The following TNRC6B variants were observed in gnomAD, a reference collection of about 807,000 sequenced individuals.
The protein encoded by TNRC6B is trinucleotide repeat-containing gene 6B protein.
A neutral mutation model predicts 203.6 loss-of-function variants in TNRC6B; 52 were observed. The observed-to-expected ratio is 0.26, with a 90% CI of 0.20 to 0.32. The LOEUF is 0.32. TNRC6B is among the 10% of genes least tolerant of loss of function. The probability of loss-of-function intolerance (pLI) is 1.00; values close to 1 mark genes in which losing one functional copy is unlikely to be tolerated. For missense variants in TNRC6B, 1,923 were observed against 2,286.2 expected (o/e 0.84, Z 3.24); for synonymous variants, 838 against 845.7 (o/e 0.99, Z 0.16).
intron 1 of TNRC6B, among the ~76,000 whole-genome samples, chr22:40,071,179 T>A (rs878934374): frequency 6.6e-6 from 1 of 152,172 alleles, no homozygotes; most frequent in Admixed American, 6.5e-5. Flanking sequence ...TATAGGCCAG[T>A]TAATAGAAAT....
chr22:40,117,113 C>T (rs1436756629), exon 2 of TNRC6B: 1 of 152,428 alleles, frequency 6.6e-6, no homozygotes. Context: ...TTGTGTTGCC[C>T]CAGGTACTGT....
intron 15 of TNRC6B, among the ~76,000 whole-genome samples, chr22:40,306,111 T>TTTAGTA (rs2071084835): frequency 6.6e-6 from 1 of 151,892 alleles, no homozygotes; most frequent in South Asian, 2.1e-4. Flanking sequence ...GCTAACACGA[T>TTTAGTA]GAAACCCCGT....
chr22:40,196,345 G>T (rs1223998821), intron 1 of TNRC6B, among the ~76,000 whole-genome samples: 1 of 151,808 alleles, frequency 6.6e-6, no homozygotes, highest in Non-Finnish European at 1.5e-5. Context: ...CTTTCTAATG[G>T]ATTTTTAATA....
chr22:40,215,058 T>C (rs2069617379), intron 1 of TNRC6B, among the ~76,000 whole-genome samples: 3 of 152,312 alleles, frequency 2.0e-5, no homozygotes, highest in Middle Eastern at 3.4e-3. Flanking sequence ...AATACTTAGC[T>C]TTCTTTTTTT....
chr22:40,096,168 C>T (rs556109392), intron 1 of TNRC6B, among the ~76,000 whole-genome samples: 2 of 152,146 alleles, frequency 1.3e-5, no homozygotes, highest in Non-Finnish European at 1.5e-5. Context: ...AGGATCATGG[C>T]CAAAACTTTA....
intron 1 of TNRC6B, among the ~76,000 whole-genome samples, chr22:40,196,489 T>C (rs1052043646): frequency 1.3e-5 from 2 of 152,062 alleles, no homozygotes; most frequent in Admixed American, 6.6e-5. Flanking sequence ...CTGGGCCTCG[T>C]TGGAGTCTCT....
chr22:40,095,994 C>T (rs1376403346), intron 1 of TNRC6B, among the ~76,000 whole-genome samples: 2 of 152,080 alleles, frequency 1.3e-5, no homozygotes, highest in Non-Finnish European at 2.9e-5. Context: ...AGCAGTGTAG[C>T]TCCTCTGTAC....
intron 1 of TNRC6B, among the ~76,000 whole-genome samples, chr22:40,235,894 A>G (rs2069940743): frequency 6.6e-6 from 1 of 152,238 alleles, no homozygotes; most frequent in South Asian, 2.1e-4. Context: ...AAAGAAAATG[A>G]TTTAAAGTAG....
chr22:40,215,112 T>C (rs1472319048), intron 1 of TNRC6B, among the ~76,000 whole-genome samples: 2 of 152,154 alleles, frequency 1.3e-5, no homozygotes, highest in African/African-American at 4.8e-5. Context: ...ATCTTAACAA[T>C]TCATGGAGAC....
intron 4 of TNRC6B, among the ~76,000 whole-genome samples, chr22:40,163,375 G>A (rs1423421184): frequency 1.4e-5 from 2 of 140,972 alleles, no homozygotes; most frequent in African/African-American, 5.3e-5. Context: ...TCTACCCTGG[G>A]TGACAGAACA....
Position 40,265,209 on chromosome 22 carries a change from A to G in TNRC6B, c.979A>G (p.Thr327Ala). 6.2e-7 allele frequency: 1 copy of G among 1,614,056 alleles called. No individual in the cohort carries two copies. The highest frequency in any genetic ancestry group is 8.5e-7 in the Non-Finnish European group (1 of 1,179,904). ...EGTSRKGALE[T>A]DNSNSSAQVS... ...AACTTCTAGGAAAGGGGCATTGGAA[A>G]CAGATAATAGTAATTCCAGTGCACA... Residue 327 changes from threonine to alanine, a missense_variant, in exon 5 of 23, where the codon ACA becomes GCA. Thr to Ala is a moderately conservative substitution (Grantham distance 58). This residue lies in a region of TNRC6B where 614 missense variants were observed against 587.7 expected (regional missense o/e 1.04). Coordinates refer to ENST00000454349, the MANE Select transcript of TNRC6B (RefSeq NM_001162501.2).
At chr22:40,122,236 C>T (rs754109141) in intron 2 of TNRC6B, among the ~76,000 whole-genome samples, 2 of 152,046 alleles carry the variant, frequency 1.3e-5, no homozygotes, top group African/African-American at 2.4e-5. Flanking sequence ...TTCATTTTTC[C>T]CTCCTTTTTA....
rs1477889473 is a variant in TNRC6B at position 40,323,011 on chromosome 22, C to G, written c.5272C>G (p.Pro1758Ala). 1 of 1,605,766 alleles carries G rather than the reference C, an allele frequency of 6.2e-7. No individual in the cohort carries two copies. The highest frequency in any genetic ancestry group is 8.5e-7 in the Non-Finnish European group (1 of 1,175,916). The change falls in exon 23 of 23, where the codon CCC (proline) becomes GCC (alanine). Residue 1758 changes from proline to alanine, a missense_variant. Transcript: ENST00000454349. The stretch of plus-strand genomic sequence containing the variant: ...GGAGACCGGCCAGAACCAGTCAGAT[C>G]CCGTGGGACCTGCTCTGAATCTTTT... The part of the protein sequence containing the change: ...SLETGQNQSD[P>A]VGPALNLFGG...
chr22:40,199,152 G>A (rs2146404028), intron 1 of TNRC6B, among the ~76,000 whole-genome samples: 1 of 152,216 alleles, frequency 6.6e-6, no homozygotes, highest in East Asian at 1.9e-4. Flanking sequence ...GATAGTCATG[G>A]ATTAGAACCT....
Position 40,301,586 on chromosome 22 carries a change from TG to T in TNRC6B, c.4120+254del. On this transcript the variant is annotated intron_variant, in intron 15 of 22. Coordinates refer to ENST00000454349, the MANE Select transcript of TNRC6B (RefSeq NM_001162501.2). ...GCTCCAAAGCAGTCTTCCTTTTTTTTGTGTGTGTGTGTGTGTCTGGTTTATT... is the reference window on the plus strand; with the variant it reads ...GCTCCAAAGCAGTCTTCCTTTTTTTTTGTGTGTGTGTGTGTCTGGTTTATT... The T allele has an allele frequency of 3.0e-5, 13 of 436,080 alleles. 1 individual carries two copies. Among genetic ancestry groups the T allele is most frequent in the African/African-American group, 2.0e-4 (10 of 49,196 alleles). 27.0% of individuals were successfully genotyped at this position (436,080 alleles called of 1,614,324 possible). A position where few individuals can be genotyped will look rare whatever the true frequency, so the allele number is the denominator to read the frequency against.
intron 1 of TNRC6B, among the ~76,000 whole-genome samples, chr22:40,077,076 A>AAGAGG (rs2068021740): frequency 1.3e-5 from 2 of 148,960 alleles, no homozygotes; most frequent in African/African-American, 4.9e-5. Flanking sequence ...GAAAAGAGAG[A>AAGAGG]AGAGGAGAGG....
chr22:40,156,089 C>CT (rs1162553547), intron 3 of TNRC6B: 6 of 1,562,514 alleles, frequency 3.8e-6, no homozygotes, highest in South Asian at 3.5e-5. Flanking sequence ...CTGACTGCTG[C>CT]TGACCTGTGG....
intron 1 of TNRC6B, among the ~76,000 whole-genome samples, chr22:40,202,647 T>C (rs1180017611): frequency 6.6e-6 from 1 of 152,116 alleles, no homozygotes; most frequent in Non-Finnish European, 1.5e-5. Context: ...AACACCTTCA[T>C]AGCTTCACGA....
intron 22 of TNRC6B, 91 bp from the exon 23 acceptor site, chr22:40,322,763 G>A: frequency 6.8e-7 from 1 of 1,467,636 alleles, no homozygotes; most frequent in East Asian, 2.3e-5. Flanking sequence ...TCAAAGGACT[G>A]CACATTGAAT....
Sources: gnomAD v4.1 joint callset for allele counts (sites outside exome capture counted in the v4.1 genomes callset) on GRCh38, gnomAD v4.1.1 for gene constraint, gnomAD v4.1.1 regional missense constraint, MANE v1.5 for transcripts, NCBI Gene and HGNC (gene_info 2026-07-23, HGNC 2026-07-21) for gene names.